ANK2: variants seen among roughly 807,000 people sequenced by gnomAD.
The protein encoded by ANK2 is ankyrin 2.
A neutral mutation model predicts 360.5 loss-of-function variants in ANK2; 83 were observed. The ratio of observed to expected loss-of-function variants is 0.23; its 90% CI spans 0.19 to 0.28. The LOEUF (loss-of-function observed/expected upper bound fraction) is 0.28, where lower values mean the gene tolerates loss of function less well. ANK2 is among the 10% of genes least tolerant of loss of function. ANK2 has a pLI of 1.00. For synonymous variants in ANK2, 1,740 were observed against 1,759.5 expected, an observed-to-expected ratio of 0.99 and a Z score of 0.28; for missense variants, 4,201 against 4,795.7, an observed-to-expected ratio of 0.88 and a Z score of 3.66.
chr4:113,196,664 A>T (rs1319575897), intron 3 of ANK2, among the ~76,000 whole-genome samples, 198 bp downstream of exon 3: 1 of 152,118 alleles, frequency 6.6e-6, no homozygotes, highest in Admixed American at 6.5e-5. Flanking sequence ...AGTAGCTGAG[A>T]CTACAGGCGT....
At chr4:112,949,427 T>G (rs72892486) in intron 2 of ANK2, among the ~76,000 whole-genome samples, 20,148 of 152,176 alleles carry the variant, frequency 0.13, 1,640 homozygotes, top group African/African-American at 0.22. Flanking sequence ...TTAATTGCTG[T>G]GGAGATGATG....
At chr4:112,810,852 C>T in the ANK2 span, among the ~76,000 whole-genome samples, 1 of 151,756 alleles carries the variant, frequency 6.6e-6, no homozygotes, top group Non-Finnish European at 1.5e-5. Flanking sequence ...CGCACAGCCC[C>T]TTCCCGCTTT....
chr4:113,300,176 C>G (rs2074212598), intron 22 of ANK2, among the ~76,000 whole-genome samples: 1 of 152,010 alleles, frequency 6.6e-6, no homozygotes, highest in Non-Finnish European at 1.5e-5. Context: ...TTTTGTTTTT[C>G]CTGCAGCATT....
intron 1 of ANK2, among the ~76,000 whole-genome samples, chr4:113,145,157 T>C (rs1391224165): frequency 6.6e-6 from 1 of 152,160 alleles, no homozygotes; most frequent in Admixed American, 6.5e-5. Context: ...AACTACACAA[T>C]TATAAAAACC....
In ANK2 at chr4:113,373,451, T is replaced by G; in HGVS notation, c.11859+2T>G. 6.2e-7 allele frequency: 1 copy of G among 1,614,008 alleles called. No individual in the cohort carries two copies. Among genetic ancestry groups the G allele is most frequent in the Non-Finnish European group, 8.5e-7 (1 of 1,179,956 alleles). Reference sequence around the variant, plus strand: ...AAGAGTGACACCGAGCAGTCAGAGGTGAGACAACCTGATTCTCTAAAACCC... The same window carrying G: ...AAGAGTGACACCGAGCAGTCAGAGGGGAGACAACCTGATTCTCTAAAACCC... On this transcript the variant is annotated splice_donor_variant, in intron 45 of 45. Transcript: ENST00000357077. LOFTEE classifies it high-confidence loss of function.
chr4:112,885,151 T>C (rs1437337488), intron 1 of ANK2, among the ~76,000 whole-genome samples: 1 of 152,198 alleles, frequency 6.6e-6, no homozygotes, highest in Non-Finnish European at 1.5e-5. Flanking sequence ...TCACTTAATC[T>C]TTCCCCACTG....
intron 2 of ANK2, among the ~76,000 whole-genome samples, chr4:113,029,437 G>A (rs2059942544): frequency 1.3e-5 from 2 of 151,944 alleles, no homozygotes; most frequent in African/African-American, 4.8e-5. Context: ...TAGAGATGGG[G>A]TCTTGCTGTG....
In ANK2 at chr4:112,919,264, A is replaced by G. The variant is rs555170565; in HGVS notation, c.21+14750A>G. Reference sequence around the variant, plus strand: ...GGGTATAGCATTAAAGCAATTTATTATTTTATAATTTGTAACTCCATTAGC... The same window carrying G: ...GGGTATAGCATTAAAGCAATTTATTGTTTTATAATTTGTAACTCCATTAGC... On this transcript the variant is annotated intron_variant, in intron 2 of 30. Transcript: ENST00000503271. Among the ~76,000 whole-genome samples the G allele has an allele frequency of 9.1e-4, 138 of 152,252 alleles. 1 individual carries two copies. Among genetic ancestry groups the G allele is most frequent in the African/African-American group, 3.2e-3 (132 of 41,564 alleles).
At chr4:113,218,070 G>C (rs1165849880) in intron 4 of ANK2, among the ~76,000 whole-genome samples, 2 of 152,244 alleles carry the variant, frequency 1.3e-5, no homozygotes, top group East Asian at 3.9e-4. Flanking sequence ...CTTAGTAATG[G>C]ACAAGATCTA....
At chr4:112,824,185 G>A (rs199863218) in intron 1 of ANK2, among the ~76,000 whole-genome samples, 26 of 129,628 alleles carry the variant, frequency 2.0e-4, no homozygotes, top group Admixed American at 1.5e-3. Flanking sequence ...CTATCTATCC[G>A]TCTATCTAGA....
At chr4:112,731,630 C>T in the ANK2 span, among the ~76,000 whole-genome samples, 47 of 150,460 alleles carry the variant, frequency 3.1e-4, no homozygotes, top group African/African-American at 1.0e-3. Context: ...ATTTCAGAGG[C>T]TGTGAGGTGG....
At chr4:113,352,982 T>A (rs890746462) in intron 37 of ANK2, 63 bp from the exon 38 acceptor site, 1 of 1,574,960 alleles carries the variant, frequency 6.3e-7, no homozygotes, top group African/African-American at 1.3e-5. Flanking sequence ...CAGTCCTGAT[T>A]ACATTTGCCA....
chr4:113,139,735 A>T (rs1000325117), intron 1 of ANK2, among the ~76,000 whole-genome samples: 3 of 152,174 alleles, frequency 2.0e-5, no homozygotes, highest in Admixed American at 6.5e-5. Flanking sequence ...TGTGTTGGGC[A>T]TTGCGTGGAG....
At chr4:113,124,901 G>T (rs185236802) in intron 1 of ANK2, among the ~76,000 whole-genome samples, 29 of 152,186 alleles carry the variant, frequency 1.9e-4, no homozygotes, top group African/African-American at 6.5e-4. Flanking sequence ...AGGCTGAGAC[G>T]TGAGGAGAGC....
chr4:112,796,465 T>TATACACACAC, the ANK2 span, among the ~76,000 whole-genome samples: 2 of 150,286 alleles, frequency 1.3e-5, no homozygotes, highest in Admixed American at 6.6e-5. Context: ...TCTATATATA[T>TATACACACAC]ACACACACAC....
the ANK2 span, among the ~76,000 whole-genome samples, chr4:112,761,093 C>A: frequency 6.6e-6 from 1 of 152,024 alleles, no homozygotes; most frequent in Admixed American, 6.6e-5. Flanking sequence ...AGGCATGAAC[C>A]ACCGCACCCG....
At chr4:113,212,277 T>G (rs1250099582) in intron 4 of ANK2, among the ~76,000 whole-genome samples, 2 of 152,228 alleles carry the variant, frequency 1.3e-5, no homozygotes, top group Admixed American at 6.5e-5. Context: ...TAATAACTTT[T>G]TTTCAGATAT....
Position 113,072,742 on chromosome 4 carries a change from A to ATTTTTTTTT in ANK2, c.84+22945_84+22953dup, listed in dbSNP as rs34098456. Reference sequence around the variant, plus strand: ...TCCCTTAAAATAGACACTTGGCATAATTTTTTTTTTTTTTTTTTTTTTTGC... The same window carrying ATTTTTTTTT: ...TCCCTTAAAATAGACACTTGGCATAATTTTTTTTTTTTTTTTTTTTTTTTTTTTTTTTGC... On this transcript the variant is annotated intron_variant, in intron 1 of 45. Coordinates refer to ENST00000357077, the MANE Select transcript of ANK2 (RefSeq NM_001148.6). 6.1e-4 allele frequency among the ~76,000 whole-genome samples: 45 copies of ATTTTTTTTT among 74,190 alleles called. 2 individuals are homozygous for ATTTTTTTTT. The highest frequency in any genetic ancestry group is 8.9e-3 in the Middle Eastern group (1 of 112). The allele number at this position is 74,190 out of a possible 152,430, so 48.7% of individuals were successfully genotyped here.
chr4:113,288,503 C>A lies in ANK2; in HGVS notation c.2277+17C>A. ...AAAACCAAGGTAAAGTACTTGTGGT[C>A]ATTTTCAATTCCTATAAGCAAAAAG... On this transcript the variant is annotated intron_variant, in intron 20 of 45. Transcript: ENST00000357077. 3.7e-6 allele frequency: 6 copies of A among 1,600,006 alleles called. No homozygotes were observed. The South Asian group carries it at 5.5e-5, about 15-fold the overall frequency.
Sources: gnomAD v4.1 joint callset for allele counts (sites outside exome capture counted in the v4.1 genomes callset) on GRCh38, gnomAD v4.1.1 for gene constraint, MANE v1.5 for transcripts, NCBI Gene and HGNC (gene_info 2026-07-23, HGNC 2026-07-21) for gene names.